Variants in COLEC12 observed in about 807,000 individuals in gnomAD.
The protein encoded by COLEC12 is collectin-12.
COLEC12 carries 33 observed loss-of-function variants against 71.1 expected under a neutral mutation model. The observed-to-expected ratio is 0.46, with a 90% confidence interval of 0.35 to 0.62. The LOEUF is 0.62. COLEC12 is among the 20% of genes least tolerant of loss of function. COLEC12 has a pLI of 0.00. For synonymous variants in COLEC12, 350 were observed against 353.0 expected, an observed-to-expected ratio of 0.99 and a Z score of 0.10; for missense variants, 765 against 916.1, an observed-to-expected ratio of 0.84 and a Z score of 2.13.
chr18:471,885 C>T (rs184551187), intron 2 of COLEC12, among the ~76,000 whole-genome samples: 32 of 152,142 alleles, frequency 2.1e-4, no homozygotes, highest in Admixed American at 5.9e-4. Context: ...TGTGACTCAA[C>T]GTTGGTCAAT....
At chr18:377,317 G>T (rs377680424) in intron 2 of COLEC12, among the ~76,000 whole-genome samples, 1 of 152,248 alleles carries the variant, frequency 6.6e-6, no homozygotes, top group Non-Finnish European at 1.5e-5. Flanking sequence ...CTCCCGGCAC[G>T]TGTGAGCCCG....
At chr18:325,267 A>G (rs1013084629) in intron 8 of COLEC12, among the ~76,000 whole-genome samples, 4 of 152,218 alleles carry the variant, frequency 2.6e-5, no homozygotes, top group African/African-American at 9.6e-5. Flanking sequence ...ATAGACAGAA[A>G]GGCACCACAT....
In COLEC12 at chr18:488,760, C is replaced by T. The variant is rs547398236; in HGVS notation, c.8-8003G>A. Reference sequence around the variant, plus strand: ...TGCTGGTGTGCACCTGTAATACCAGCTACTCGGGAGGCTGAGGCAGGAGAA... The same window carrying T: ...TGCTGGTGTGCACCTGTAATACCAGTTACTCGGGAGGCTGAGGCAGGAGAA... On this transcript the variant is annotated intron_variant, in intron 1 of 9. Transcript: ENST00000400256. Among the ~76,000 whole-genome samples the T allele has an allele frequency of 5.3e-5, 8 of 150,266 alleles. No homozygotes were observed. The South Asian group carries it at 1.7e-3, about 32-fold the overall frequency.
chr18:448,318 T>A (rs906907724), intron 2 of COLEC12, among the ~76,000 whole-genome samples: 2 of 152,190 alleles, frequency 1.3e-5, no homozygotes, highest in African/African-American at 4.8e-5. Context: ...GATCCTGTAA[T>A]CTTTGTGCTG....
At chr18:491,356 C>G (rs899724) in intron 1 of COLEC12, among the ~76,000 whole-genome samples, 13,531 of 152,276 alleles carry the variant, frequency 0.089, 658 homozygotes, top group Admixed American at 0.14. Context: ...AATGTGTGGG[C>G]TTTGAAATTC....
At chr18:446,793 A>G (rs1229175973) in intron 2 of COLEC12, among the ~76,000 whole-genome samples, 3 of 152,232 alleles carry the variant, frequency 2.0e-5, no homozygotes, top group Non-Finnish European at 4.4e-5. Flanking sequence ...AAAAACAAAA[A>G]GGCATGTATT....
intron 2 of COLEC12, among the ~76,000 whole-genome samples, chr18:450,205 C>T (rs973600754): frequency 2.0e-5 from 3 of 152,186 alleles, no homozygotes; most frequent in African/African-American, 7.2e-5. Context: ...TTTGGTTCTC[C>T]TTCCAGCTCT....
chr18:351,365 CT>C (rs1914517402), intron 3 of COLEC12, among the ~76,000 whole-genome samples: 1 of 152,022 alleles, frequency 6.6e-6, no homozygotes, highest in African/African-American at 2.4e-5. Context: ...TGTGGGAACC[CT>C]TTGCCGAGGT....
At chr18:483,125 C>T (rs569804939) in intron 1 of COLEC12, among the ~76,000 whole-genome samples, 54 of 152,140 alleles carry the variant, frequency 3.5e-4, no homozygotes, top group South Asian at 3.5e-3. Flanking sequence ...GATGCTGTAG[C>T]GTGGTGGCTC....
At chr18:389,499 T>C (rs12967086) in intron 2 of COLEC12, among the ~76,000 whole-genome samples, 29,927 of 151,676 alleles carry the variant, frequency 0.2, 3,116 homozygotes, top group East Asian at 0.26. Flanking sequence ...AGGATGGTCT[T>C]GATCTCCTGA....
intron 2 of COLEC12, among the ~76,000 whole-genome samples, chr18:361,691 A>T (rs1914747596): frequency 6.6e-6 from 1 of 152,180 alleles, no homozygotes; most frequent in African/African-American, 2.4e-5. Flanking sequence ...AAAGGAACAT[A>T]TAGGTAGACC....
chr18:346,327 C>A lies in COLEC12; in HGVS notation c.1295G>T (p.Gly432Val). Reference sequence around the variant, plus strand: ...TATTGTAAAATTCTTGATGAGCTGACCATGCTTGGAGTCTACTAGCTTCAT... The same window carrying A: ...TATTGTAAAATTCTTGATGAGCTGAACATGCTTGGAGTCTACTAGCTTCAT... Reference protein sequence around the residue: ...EEMKLVDSKHGQLIKNFTILQ... With the variant: ...EEMKLVDSKHVQLIKNFTILQ... Residue 432 changes from glycine (G) to valine (V), a missense_variant, in exon 5 of 10, where the codon GGT becomes GTT. Transcript: ENST00000400256. This position sits in a 1 kb window ranked among gnomAD's most constrained non-coding sequence, Gnocchi z 4.0. The A allele has an allele frequency of 1.9e-6, 3 of 1,612,940 alleles. No individual in the cohort carries two copies. The South Asian group carries it at 3.3e-5, about 18-fold the overall frequency.
At chr18:488,869 T>C (rs1917568356) in intron 1 of COLEC12, among the ~76,000 whole-genome samples, 1 of 122,572 alleles carries the variant, frequency 8.2e-6, no homozygotes, top group Non-Finnish European at 1.7e-5. Context: ...CAAGACTCTG[T>C]TTCAAAAAAA....
intron 5 of COLEC12, among the ~76,000 whole-genome samples, chr18:335,991 G>A (rs533691510): frequency 1.3e-5 from 2 of 152,254 alleles, no homozygotes; most frequent in South Asian, 4.1e-4. Context: ...ACCAGGATCA[G>A]GATTTCCTCT....
At chr18:381,917 A>C (rs1915240445) in intron 2 of COLEC12, among the ~76,000 whole-genome samples, 1 of 152,184 alleles carries the variant, frequency 6.6e-6, no homozygotes, top group African/African-American at 2.4e-5. Flanking sequence ...TCTCATCAGG[A>C]AAATAATGAC....
intron 2 of COLEC12, among the ~76,000 whole-genome samples, chr18:459,095 C>A (rs920895841): frequency 1.1e-4 from 16 of 152,164 alleles, no homozygotes; most frequent in Admixed American, 9.2e-4. Flanking sequence ...TCAAGCTATC[C>A]TCCCTCCTTG....
At chr18:392,960 C>T (rs1482620479) in intron 2 of COLEC12, among the ~76,000 whole-genome samples, 1 of 152,214 alleles carries the variant, frequency 6.6e-6, no homozygotes, top group Non-Finnish European at 1.5e-5. Flanking sequence ...AAGTTCATTG[C>T]CTGCTACCTA....
In COLEC12 at chr18:483,537, C is replaced by T. The variant is rs9959993; in HGVS notation, c.8-2780G>A. Among the ~76,000 whole-genome samples, 678 of 152,140 alleles carry T rather than the reference C, an allele frequency of 4.5e-3. 5 individuals are homozygous for T. Among genetic ancestry groups the T allele is most frequent in the African/African-American group, 0.015 (635 of 41,506 alleles). On this transcript the variant is annotated intron_variant, in intron 1 of 9. Coordinates refer to ENST00000400256, the MANE Select transcript of COLEC12 (RefSeq NM_130386.3). ...AGATCTTGGTTTGGAATCTAGAAGG[C>T]CAGGTATTTATACTCAAAGTGGTTT...
At chr18:453,756 G>A (rs979780871) in intron 2 of COLEC12, among the ~76,000 whole-genome samples, 8 of 152,236 alleles carry the variant, frequency 5.3e-5, no homozygotes, top group African/African-American at 9.6e-5. Context: ...AATAAGCATC[G>A]CAAACTTGAC....
Sources: allele counts gnomAD v4.1 joint callset (sites outside exome capture counted in the v4.1 genomes callset), GRCh38; gene constraint gnomAD v4.1.1; non-coding constraint Gnocchi (gnomAD v3.1); transcripts MANE v1.5; gene names NCBI Gene and HGNC (gene_info 2026-07-23, HGNC 2026-07-21).